DLG2: variants seen among roughly 807,000 people sequenced by gnomAD.
DLG2 encodes the protein disks large homolog 2.
Under a neutral mutation model 132.5 loss-of-function variants are expected in DLG2, and 45 were observed. The observed-to-expected ratio is 0.34, with a 90% CI of 0.27 to 0.44. The LOEUF is 0.44. Ranked by LOEUF, DLG2 falls within the 20% of genes least tolerant of loss-of-function variation. DLG2 has a pLI of 1.00. For missense variants in DLG2, 1,045 were observed against 1,196.9 expected, an observed-to-expected ratio of 0.87 and a Z score of 1.87; for synonymous variants, 424 against 419.6, an observed-to-expected ratio of 1.01 and a Z score of -0.13.
intron 8 of DLG2, among the ~76,000 whole-genome samples, chr11:84,197,985 T>A (rs571935339): frequency 9.2e-5 from 14 of 152,318 alleles, no homozygotes; most frequent in East Asian, 5.8e-4. Context: ...AGTATTTTTT[T>A]AAATATGTAA....
At chr11:85,601,859 C>G (rs1036149518) in intron 2 of DLG2, among the ~76,000 whole-genome samples, 1 of 152,208 alleles carries the variant, frequency 6.6e-6, no homozygotes, top group Non-Finnish European at 1.5e-5. Flanking sequence ...TACCTCTGAA[C>G]ATGGTAAGAC....
At chr11:85,345,776 C>T (rs776654619) in intron 3 of DLG2, among the ~76,000 whole-genome samples, 15 of 152,060 alleles carry the variant, frequency 9.9e-5, no homozygotes, top group Admixed American at 2.0e-4. Flanking sequence ...AGAAAAATTA[C>T]CATTGAGAAT....
At chr11:83,782,372 T>C (rs1352935358) in intron 18 of DLG2, among the ~76,000 whole-genome samples, 1 of 152,170 alleles carries the variant, frequency 6.6e-6, no homozygotes, top group Admixed American at 6.6e-5. Context: ...TAACACAAGA[T>C]ATAAAATGAG....
chr11:84,980,286 A>G (rs1293405472), intron 6 of DLG2, among the ~76,000 whole-genome samples: 1 of 152,122 alleles, frequency 6.6e-6, no homozygotes, highest in Non-Finnish European at 1.5e-5. Flanking sequence ...ACCTGCAAAA[A>G]TAAGTCTCTA....
In DLG2 at chr11:84,265,868, T is replaced by C. The variant is rs567551730; in HGVS notation, c.520-14577A>G. Among the ~76,000 whole-genome samples, 59 of 152,262 alleles carry C rather than the reference T, an allele frequency of 3.9e-4. 1 individual carries two copies. The highest frequency in any genetic ancestry group is 1.4e-3 in the African/African-American group (58 of 41,564). On this transcript the variant is annotated intron_variant, in intron 7 of 27. Transcript: ENST00000376104. ...TTCAAAAACTATGGCATATCTAGTATTAGCTCATTAAAGCTTTTCAGATTT... is the reference window on the plus strand; with the variant it reads ...TTCAAAAACTATGGCATATCTAGTACTAGCTCATTAAAGCTTTTCAGATTT...
chr11:83,529,574 T>TG (rs2095688009), intron 21 of DLG2, among the ~76,000 whole-genome samples: 1 of 136,260 alleles, frequency 7.3e-6, no homozygotes, highest in Non-Finnish European at 1.6e-5. Flanking sequence ...ATCATGGCAC[T>TG]CTTTTTTTTT....
chr11:85,366,583 G>C (rs895641274), intron 3 of DLG2, among the ~76,000 whole-genome samples: 6 of 151,952 alleles, frequency 3.9e-5, no homozygotes, highest in African/African-American at 1.5e-4. Flanking sequence ...AGACATTCAG[G>C]TTATATTTAA....
chr11:85,581,377 C>A (rs2078508328), intron 3 of DLG2, among the ~76,000 whole-genome samples: 1 of 152,010 alleles, frequency 6.6e-6, no homozygotes, highest in Non-Finnish European at 1.5e-5. Context: ...CTTTCAGAGG[C>A]CGAGGCAGAC....
intron 6 of DLG2, among the ~76,000 whole-genome samples, chr11:85,087,564 C>G (rs1170197320): frequency 6.6e-6 from 1 of 152,132 alleles, no homozygotes; most frequent in Non-Finnish European, 1.5e-5. Context: ...ATGGGCCGGG[C>G]GCGGTGGCTC....
chr11:83,789,601 G>T lies in DLG2; in HGVS notation c.1723-2809C>A, dbSNP rs2040970029. Among the ~76,000 whole-genome samples the T allele has an allele frequency of 2.6e-5, 4 of 151,096 alleles. No individual in the cohort carries two copies. In the South Asian group the frequency reaches 8.4e-4, roughly 32 times the overall value. The stretch of plus-strand genomic sequence containing the variant: ...CTCGCTCTGTTGCCCAGCCTGGAGT[G>T]CAGTGGCATGATCTCAGCTCACTGC... On this transcript the variant is annotated intron_variant, in intron 17 of 27. Coordinates refer to ENST00000376104, the MANE Select transcript of DLG2 (RefSeq NM_001142699.3).
At chr11:85,601,272 T>C (rs1333196774) in intron 2 of DLG2, among the ~76,000 whole-genome samples, 2 of 152,046 alleles carry the variant, frequency 1.3e-5, no homozygotes, top group Non-Finnish European at 2.9e-5. Context: ...CCTCCCAAAG[T>C]GCTGGGATTA....
chr11:83,495,038 T>C (rs551836933), intron 21 of DLG2, among the ~76,000 whole-genome samples: 1 of 152,200 alleles, frequency 6.6e-6, no homozygotes, highest in South Asian at 2.1e-4. Context: ...AATCCTAAGC[T>C]CCCTTTCTTA....
At chr11:83,915,780 T>G (rs888529992) in intron 15 of DLG2, among the ~76,000 whole-genome samples, 1 of 152,154 alleles carries the variant, frequency 6.6e-6, no homozygotes, top group Non-Finnish European at 1.5e-5. Flanking sequence ...CATTGTTCAG[T>G]GGCTTTTAGT....
intron 6 of DLG2, among the ~76,000 whole-genome samples, chr11:84,632,536 G>A (rs1025083939): frequency 6.6e-6 from 1 of 152,128 alleles, no homozygotes; most frequent in Non-Finnish European, 1.5e-5. Context: ...TTTACAAATG[G>A]AGCTAAAAGG....
At chr11:84,668,168 T>C (rs563122004) in intron 6 of DLG2, among the ~76,000 whole-genome samples, 1 of 152,182 alleles carries the variant, frequency 6.6e-6, no homozygotes, top group South Asian at 2.1e-4. Context: ...TTGATAAATA[T>C]TTGTGCCCCT....
intron 3 of DLG2, among the ~76,000 whole-genome samples, chr11:85,467,216 C>A (rs967620347): frequency 6.6e-6 from 1 of 152,120 alleles, no homozygotes; most frequent in Non-Finnish European, 1.5e-5. Flanking sequence ...TGGGCTGAGA[C>A]GATGGGGTTT....
chr11:85,193,034 C>T (rs2152535444), intron 4 of DLG2, among the ~76,000 whole-genome samples: 1 of 152,242 alleles, frequency 6.6e-6, no homozygotes, highest in South Asian at 2.1e-4. Flanking sequence ...AATTCCAGAA[C>T]ATTTTCATCA....
At position 84,355,482 on chromosome 11, in the gene DLG2, C is replaced by T. The variant is rs146884475; in HGVS notation, c.520-104191G>A. Among the ~76,000 whole-genome samples the T allele has an allele frequency of 1.8e-3, 274 of 152,142 alleles. 1 individual carries two copies. The highest frequency in any genetic ancestry group is 3.1e-3 in the Non-Finnish European group (208 of 67,980). On this transcript the variant is annotated intron_variant, in intron 7 of 27. Transcript: ENST00000376104. ...CCCCTTCTGCCAAGTGAAGACACAGCAAGAAGGTGCTCAAGGCAGACCTTC... is the reference window on the plus strand; with the variant it reads ...CCCCTTCTGCCAAGTGAAGACACAGTAAGAAGGTGCTCAAGGCAGACCTTC...
chr11:83,536,383 C>T (rs1408312768), intron 20 of DLG2, among the ~76,000 whole-genome samples: 2 of 152,138 alleles, frequency 1.3e-5, no homozygotes, highest in African/African-American at 4.8e-5. Context: ...CAGAGGCTTG[C>T]AGTACTGCTT....
Sources: gnomAD v4.1 joint callset for allele counts (sites outside exome capture counted in the v4.1 genomes callset) on GRCh38, gnomAD v4.1.1 for gene constraint, MANE v1.5 for transcripts, NCBI Gene and HGNC (gene_info 2026-07-23, HGNC 2026-07-21) for gene names.